SYT16: variants seen among roughly 807,000 people sequenced by gnomAD.
SYT16 encodes synaptotagmin-16.
Under a neutral mutation model 61.4 loss-of-function variants are expected in SYT16, and 42 were observed. The ratio of observed to expected loss-of-function variants is 0.68; its 90% CI spans 0.53 to 0.89. The LOEUF (loss-of-function observed/expected upper bound fraction) is 0.89, where lower values mean the gene tolerates loss of function less well. SYT16 is among the 40% of genes least tolerant of loss of function. The pLI is 0.00. For synonymous variants in SYT16, 314 were observed against 302.3 expected (o/e 1.04, Z -0.40); for missense variants, 804 against 807.3 (o/e 1.00, Z 0.05).
At chr14:62,054,241 A>G (rs2055437705) in intron 3 of SYT16, among the ~76,000 whole-genome samples, 1 of 151,670 alleles carries the variant, frequency 6.6e-6, no homozygotes, top group African/African-American at 2.4e-5. Context: ...TTATCAGGGA[A>G]TCATTTGGGG....
At chr14:62,016,746 T>C (rs1247557004) in intron 3 of SYT16, among the ~76,000 whole-genome samples, 1 of 152,004 alleles carries the variant, frequency 6.6e-6, no homozygotes, top group Non-Finnish European at 1.5e-5. Context: ...TGGCATTGCT[T>C]ATAATGGGAT....
intron 1 of SYT16, among the ~76,000 whole-genome samples, chr14:61,833,512 G>A (rs1490542237): frequency 6.6e-6 from 1 of 151,436 alleles, no homozygotes; most frequent in Admixed American, 6.6e-5. Flanking sequence ...GGCTGGTCTC[G>A]AACTTCTGAC....
At chr14:62,081,651 G>A (rs1443539771) in intron 6 of SYT16, among the ~76,000 whole-genome samples, 1 of 152,172 alleles carries the variant, frequency 6.6e-6, no homozygotes, top group Non-Finnish European at 1.5e-5. Flanking sequence ...GGTTCTTAAC[G>A]GGTATGCTGG....
chr14:61,820,307 T>C (rs1594683945), intron 1 of SYT16, among the ~76,000 whole-genome samples: 1 of 152,150 alleles, frequency 6.6e-6, no homozygotes. Context: ...TGAAAAGGGC[T>C]ACAACAGCTA....
intron 1 of SYT16, among the ~76,000 whole-genome samples, chr14:61,948,144 T>C (rs1409985589): frequency 1.3e-5 from 2 of 152,190 alleles, no homozygotes; most frequent in Admixed American, 1.3e-4. Flanking sequence ...CTTTTAGGTA[T>C]AACCATATCT....
At chr14:62,042,709 T>G (rs1355227490) in intron 3 of SYT16, among the ~76,000 whole-genome samples, 1 of 152,132 alleles carries the variant, frequency 6.6e-6, no homozygotes, top group Non-Finnish European at 1.5e-5. Context: ...ATCTCTGGAG[T>G]TCTTTCTCTT....
chr14:61,886,824 C>T (rs2047916656), intron 1 of SYT16, among the ~76,000 whole-genome samples: 1 of 150,808 alleles, frequency 6.6e-6, no homozygotes, highest in African/African-American at 2.4e-5. Flanking sequence ...AATATGGTAG[C>T]AGTAGCCTTA....
At chr14:61,955,753 G>C (rs1400593349) in intron 1 of SYT16, among the ~76,000 whole-genome samples, 7 of 151,934 alleles carry the variant, frequency 4.6e-5, no homozygotes, top group Non-Finnish European at 1.0e-4. Flanking sequence ...ATGAACATGG[G>C]AGTGCAGATA....
At chr14:61,886,798 C>A (rs1484316155) in intron 1 of SYT16, among the ~76,000 whole-genome samples, 3 of 151,350 alleles carry the variant, frequency 2.0e-5, no homozygotes, top group Non-Finnish European at 4.4e-5. Flanking sequence ...TTAGTGAATC[C>A]TTTCCAGAAG....
At chr14:61,814,254 T>A (rs2045357270) in intron 1 of SYT16, among the ~76,000 whole-genome samples, 2 of 152,208 alleles carry the variant, frequency 1.3e-5, no homozygotes, top group African/African-American at 4.8e-5. Flanking sequence ...TGTTCATTTA[T>A]ACAAAGTGTG....
chr14:62,064,954 T>G (rs2055997225), intron 3 of SYT16, among the ~76,000 whole-genome samples: 1 of 152,210 alleles, frequency 6.6e-6, no homozygotes, highest in Non-Finnish European at 1.5e-5. Context: ...ATCGCAAGTT[T>G]CATTTTTAGA....
intron 1 of SYT16, among the ~76,000 whole-genome samples, chr14:61,894,901 G>A (rs217673): frequency 0.084 from 12,824 of 152,196 alleles, 837 homozygotes; most frequent in African/African-American, 0.18. Flanking sequence ...TTACCAAAGA[G>A]ATGGGGTCAT....
intron 1 of SYT16, among the ~76,000 whole-genome samples, chr14:61,898,776 C>T (rs529124171): frequency 5.3e-5 from 8 of 152,204 alleles, no homozygotes; most frequent in East Asian, 1.9e-4. Flanking sequence ...CATCTCACTC[C>T]GGGAGCTATT....
intron 2 of SYT16, among the ~76,000 whole-genome samples, chr14:61,982,798 T>G (rs1455442370): frequency 6.6e-6 from 1 of 152,182 alleles, no homozygotes; most frequent in Non-Finnish European, 1.5e-5. Context: ...TTTGTAAGTT[T>G]AAAGCTTGTG....
chr14:61,813,124 G>C (rs1330068186), intron 1 of SYT16, among the ~76,000 whole-genome samples: 1 of 152,254 alleles, frequency 6.6e-6, no homozygotes, highest in Non-Finnish European at 1.5e-5. Context: ...AGCCTTCAGC[G>C]AGCCGGGCAA....
intron 3 of SYT16, among the ~76,000 whole-genome samples, chr14:62,044,508 G>A (rs1318104214): frequency 6.6e-6 from 1 of 151,920 alleles, no homozygotes; most frequent in African/African-American, 2.4e-5. Flanking sequence ...CTGTCCATGT[G>A]CTCTCATTGT....
chr14:62,058,299 G>A (rs1212353431), intron 3 of SYT16, among the ~76,000 whole-genome samples: 1 of 150,808 alleles, frequency 6.6e-6, no homozygotes, highest in Non-Finnish European at 1.5e-5. Context: ...CTGGAAGTGG[G>A]TGGCTAGGTT....
chr14:61,968,608 G>C (rs979831733), intron 1 of SYT16, among the ~76,000 whole-genome samples: 19 of 152,156 alleles, frequency 1.2e-4, no homozygotes, highest in Non-Finnish European at 2.6e-4. Context: ...TCCTACTTAA[G>C]GACTCTGTTT....
In SYT16 at chr14:62,102,316, T is replaced by A. The variant is rs1177043421; in HGVS notation, c.*1609T>A. On this transcript the variant is annotated 3_prime_UTR_variant, in exon 8 of 8. Coordinates refer to ENST00000683842, the MANE Select transcript of SYT16 (RefSeq NM_001367656.1). ...AGGGCACAGGATAACTCTACTATGC[T>A]TTCAGGGTTCAGTCTTTGAATGAAA... 1 of 152,210 alleles carries A rather than the reference T, an allele frequency of 6.6e-6. No individual in the cohort carries two copies. The highest frequency in any genetic ancestry group is 2.4e-5 in the African/African-American group (1 of 41,460). The allele number at this position is 152,210 out of a possible 1,614,324, so 9.4% of individuals were successfully genotyped here. A position where few individuals can be genotyped will look rare whatever the true frequency, so the allele number is the denominator to read the frequency against.
Sources: allele counts gnomAD v4.1 joint callset (sites outside exome capture counted in the v4.1 genomes callset), GRCh38; gene constraint gnomAD v4.1.1; transcripts MANE v1.5; gene names NCBI Gene and HGNC (gene_info 2026-07-23, HGNC 2026-07-21).